The following RHBG variants were observed in gnomAD, a reference collection of about 807,000 sequenced individuals.
RHBG encodes the protein Rh family B glycoprotein.
In RHBG, 39 loss-of-function variants were observed where a neutral mutation model predicts 40.1. The ratio of observed to expected loss-of-function variants is 0.97; its 90% CI spans 0.75 to 1.27. The LOEUF is 1.27. RHBG is among the 50% of genes most tolerant of loss of function. The probability of loss-of-function intolerance (pLI) is 0.00; values close to 1 mark genes in which losing one functional copy is unlikely to be tolerated. For missense variants in RHBG, 549 were observed against 588.1 expected, an observed-to-expected ratio of 0.93 and a Z score of 0.69; for synonymous variants, 237 against 252.5, an observed-to-expected ratio of 0.94 and a Z score of 0.58.
intron 1 of RHBG, among the ~76,000 whole-genome samples, chr1:156,373,759 G>A (rs1002630157): frequency 2.0e-5 from 3 of 152,162 alleles, no homozygotes; most frequent in African/African-American, 7.2e-5. Context: ...AGGAGCCCTT[G>A]GACCCAACAC....
At chr1:156,375,262 G>A (rs922326086) in intron 1 of RHBG, among the ~76,000 whole-genome samples, 11 of 151,588 alleles carry the variant, frequency 7.3e-5, no homozygotes, top group Admixed American at 5.3e-4. Context: ...TAGTAGAGAC[G>A]GGGTTTCGCC....
intron 1 of RHBG, chr1:156,374,544 T>C: frequency 2.4e-6 from 1 of 424,610 alleles, no homozygotes; most frequent in Non-Finnish European, 4.6e-6. Context: ...TCACTTATAA[T>C]GTCCTCCAGT....
In RHBG at chr1:156,382,776, G is replaced by A. The variant is rs1209119890; in HGVS notation, c.1141G>A (p.Glu381Lys). The A allele has an allele frequency of 1.3e-5, 21 of 1,614,046 alleles. No homozygotes were observed. The highest frequency in any genetic ancestry group is 6.7e-5 in the East Asian group (3 of 44,886). Reference sequence around the variant, plus strand: ...GGAGAGTGTGTTTCCACTCATAGCCGAGGGCCAGCGCAGTGCCACGTCACA... The same window carrying A: ...GGAGAGTGTGTTTCCACTCATAGCCAAGGGCCAGCGCAGTGCCACGTCACA... ...GLESVFPLIA[E>K]GQRSATSQAM... The change falls in exon 8 of 10, where the codon GAG (glutamate) becomes AAG (lysine). Residue 381 changes from glutamate (E) to lysine (K), a missense_variant. This residue lies in a region of RHBG where 399 missense variants were observed against 417.0 expected (regional missense o/e 0.96). Coordinates refer to ENST00000537040, the MANE Select transcript of RHBG (RefSeq NM_020407.5).
Position 156,381,345 on chromosome 1 carries a change from A to G in RHBG, c.674-2A>G, listed in dbSNP as rs554248453. On this transcript the variant is annotated splice_acceptor_variant, in intron 4 of 9. Coordinates refer to ENST00000537040, the MANE Select transcript of RHBG (RefSeq NM_020407.5). LOFTEE classifies it high-confidence loss of function. ...CACTCTGCCTGTCTGTCCACCATCT[A>G]GGGACCATCTTCCTGTGGATCTTCT... The G allele has an allele frequency of 8.7e-6, 14 of 1,613,990 alleles. No homozygotes were observed. The highest frequency in any genetic ancestry group is 4.5e-5 in the East Asian group (2 of 44,878).
rs752224969 is a variant in RHBG at position 156,369,265 on chromosome 1, A to C, written c.16A>C (p.Ser6Arg). 1.9e-5 allele frequency: 31 copies of C among 1,613,008 alleles called. No homozygotes were observed. The African/African-American group carries it at 3.7e-4, about 19-fold the overall frequency. MAGSP[S>R]RAAGRRLQLP... is the part of the protein sequence containing the mutation. ...AGCCCAACCCATGGCCGGGTCTCCTAGCCGCGCCGCGGGCCGGCGACTGCA... is the reference window on the plus strand; with the variant it reads ...AGCCCAACCCATGGCCGGGTCTCCTCGCCGCGCCGCGGGCCGGCGACTGCA... The change falls in exon 1 of 10, where the codon AGC becomes CGC. Residue 6 changes from serine to arginine, a missense_variant. Around this residue, in one of 3 missense-constraint regions of RHBG, gnomAD observed 99 missense variants for 85.2 expected, o/e 1.16. Coordinates refer to ENST00000537040, the MANE Select transcript of RHBG (RefSeq NM_020407.5).
chr1:156,382,510 G>A (rs1667728463), intron 7 of RHBG: 25 of 654,046 alleles, frequency 3.8e-5, no homozygotes, highest in Middle Eastern at 8.6e-4. Context: ...CCCGCAAATG[G>A]AGTCTTAAAA....
At chr1:156,373,516 T>A (rs1263213225) in intron 1 of RHBG, among the ~76,000 whole-genome samples, 1 of 152,098 alleles carries the variant, frequency 6.6e-6, no homozygotes, top group African/African-American at 2.4e-5. Flanking sequence ...CTAAAGGGGA[T>A]GTTGAGAGGT....
chr1:156,369,372 C>T lies in RHBG; in HGVS notation c.123C>T (p.Asp41=). Residue 41 remains aspartate, a synonymous_variant, in exon 1 of 10, where the codon GAC becomes GAT. Coordinates refer to ENST00000537040, the MANE Select transcript of RHBG (RefSeq NM_020407.5). ...TTGTCCGCTACAACCACAAAACCGA[C>T]GCTGCCCTCTGGCACCGGAGCAACC... The part of the protein sequence containing the change: ...AVFVRYNHKT[D]AALWHRSNHS... The T allele has an allele frequency of 6.2e-7, 1 of 1,614,220 alleles. No individual in the cohort carries two copies. The highest frequency in any genetic ancestry group is 8.5e-7 in the Non-Finnish European group (1 of 1,180,036).
chr1:156,370,119 C>G (rs1666738779), intron 1 of RHBG, among the ~76,000 whole-genome samples: 1 of 152,022 alleles, frequency 6.6e-6, no homozygotes, highest in Non-Finnish European at 1.5e-5. Context: ...TCAAGGCCAG[C>G]CTGGCCAACA....
At chr1:156,384,482 G>T (rs768192451) in intron 8 of RHBG, 45 bp from the exon 9 acceptor site, 3 of 1,586,526 alleles carry the variant, frequency 1.9e-6, no homozygotes, top group Non-Finnish European at 2.6e-6. Context: ...CTCCTCCATG[G>T]TGGGGGGCAG....
intron 8 of RHBG, 35 bp from the exon 9 acceptor site, chr1:156,384,492 G>C (rs1667905983): frequency 6.2e-7 from 1 of 1,603,256 alleles, no homozygotes. Flanking sequence ...GTGGGGGGCA[G>C]AGAAGCCTCA....
At chr1:156,383,407 C>T (rs949324718) in intron 8 of RHBG, among the ~76,000 whole-genome samples, 14 of 152,158 alleles carry the variant, frequency 9.2e-5, no homozygotes, top group African/African-American at 3.4e-4. Flanking sequence ...CTCCGAGTAG[C>T]TGGGACTACA....
Position 156,377,521 on chromosome 1 carries a change from T to C in RHBG, c.374+34T>C. ...CCGCCACCCACCCAGCTCCCCAAGG[T>C]TCACTCGGGAGGCCCCTGCCCATGG... On this transcript the variant is annotated intron_variant, in intron 2 of 9. Coordinates refer to ENST00000537040, the MANE Select transcript of RHBG (RefSeq NM_020407.5). This position sits in a 1 kb window ranked among gnomAD's most constrained non-coding sequence, Gnocchi z 4.6. 1 of 1,587,764 alleles carries C rather than the reference T, an allele frequency of 6.3e-7. No homozygotes were observed. The highest frequency in any genetic ancestry group is 8.6e-7 in the Non-Finnish European group (1 of 1,161,006).
At chr1:156,373,339 T>C (rs760203305) in intron 1 of RHBG, among the ~76,000 whole-genome samples, 1 of 151,908 alleles carries the variant, frequency 6.6e-6, no homozygotes, top group Non-Finnish European at 1.5e-5. Flanking sequence ...GGAGGGAAGA[T>C]TGCTTGAGCC....
chr1:156,378,440 C>G, intron 4 of RHBG, 41 bp downstream of exon 4: 1 of 1,543,294 alleles, frequency 6.5e-7, no homozygotes. Flanking sequence ...GGGGGCTGGT[C>G]TGGAGGCCTC....
intron 9 of RHBG, 65 bp downstream of exon 9, chr1:156,384,665 A>G (rs764854107): frequency 6.5e-7 from 1 of 1,541,782 alleles, no homozygotes; most frequent in Non-Finnish European, 8.8e-7. Context: ...CCTGTGGCCC[A>G]AGTTGCCTTC....
intron 1 of RHBG, chr1:156,371,049 C>A: frequency 2.9e-6 from 1 of 340,116 alleles, no homozygotes; most frequent in Non-Finnish European, 5.6e-6. Flanking sequence ...AGTTTTTCCC[C>A]ATCTGAGCAA....
At chr1:156,378,472 C>T in intron 4 of RHBG, 73 bp downstream of exon 4, 1 of 1,503,730 alleles carries the variant, frequency 6.7e-7, no homozygotes, top group Non-Finnish European at 8.9e-7. Flanking sequence ...AGGTGACTGT[C>T]TCTCGGGGTG....
Position 156,381,462 on chromosome 1 carries a change from T to C in RHBG, c.789T>C (p.Leu263=), listed in dbSNP as rs1198992155. The change falls in exon 5 of 10, where the codon CTT becomes CTC. Residue 263 remains leucine (L), a synonymous_variant. Transcript: ENST00000537040. ...ACTACTCCCTGGCTGCCAGCACCCTTGGCACCTTTGCCTTGTCAGCCCTTG... is the reference window on the plus strand; with the variant it reads ...ACTACTCCCTGGCTGCCAGCACCCTCGGCACCTTTGCCTTGTCAGCCCTTG... The part of the protein sequence containing the change: ...NTYYSLAAST[L]GTFALSALVG... 3 of 1,613,938 alleles carry C rather than the reference T, an allele frequency of 1.9e-6. No homozygotes were observed. The highest frequency in any genetic ancestry group is 2.7e-5 in the African/African-American group (2 of 75,030).
Sources: allele counts gnomAD v4.1 joint callset (sites outside exome capture counted in the v4.1 genomes callset), GRCh38; gene constraint gnomAD v4.1.1; regional missense constraint gnomAD v4.1.1; non-coding constraint Gnocchi (gnomAD v3.1); transcripts MANE v1.5; gene names NCBI Gene and HGNC (gene_info 2026-07-23, HGNC 2026-07-21).